Variants in SPATA18 observed in about 807,000 individuals in gnomAD.
The protein encoded by SPATA18 is spermatogenesis associated 18, also known as mitochondria-eating protein.
Under a neutral mutation model 68.1 loss-of-function variants are expected in SPATA18, and 54 were observed. That is an observed-to-expected ratio of 0.79 (90% CI 0.64 to 0.99). The LOEUF is 0.99. SPATA18 is among the 50% of genes least tolerant of loss of function. The pLI, the probability that SPATA18 is intolerant of heterozygous loss-of-function variation, is 0.00. For missense variants in SPATA18, 724 were observed against 681.1 expected (o/e 1.06, Z -0.70); for synonymous variants, 242 against 244.8 (o/e 0.99, Z 0.11).
chr4:52,080,064 T>G (rs1740789122), intron 9 of SPATA18, 145 bp downstream of exon 9: 18 of 834,438 alleles, frequency 2.2e-5, no homozygotes, highest in Non-Finnish European at 1.3e-5. Flanking sequence ...TATACTTCTC[T>G]GTACTCCAGG....
At chr4:52,086,460 CTG>C (rs1741444170) in intron 11 of SPATA18, among the ~76,000 whole-genome samples, 1 of 152,168 alleles carries the variant, frequency 6.6e-6, no homozygotes, top group Admixed American at 6.5e-5. Context: ...GTTCCCCTCC[CTG>C]TGTCCATGTG....
Position 52,095,041 on chromosome 4 carries a change from C to T in SPATA18, c.*154C>T. 1 of 854,106 alleles carries T rather than the reference C, an allele frequency of 1.2e-6. No homozygotes were observed. The allele number at this position is 854,106 out of a possible 1,614,324, so 52.9% of individuals were successfully genotyped here. ...CCACACAGAGAGTTAAATGTTTTGG[C>T]TTGGCGCATTTGTAACTTTAGATAT... On this transcript the variant is annotated 3_prime_UTR_variant, in exon 13 of 13. Transcript: ENST00000295213.
intron 11 of SPATA18, among the ~76,000 whole-genome samples, chr4:52,091,712 C>A (rs10028685): frequency 0.13 from 19,802 of 152,146 alleles, 1,496 homozygotes; most frequent in South Asian, 0.28. Flanking sequence ...TCTGTTGGCC[C>A]CAGTTGGGAG....
chr4:52,060,751 G>C (rs781306576), intron 2 of SPATA18, 31 bp from the exon 3 acceptor site: 18 of 1,573,462 alleles, frequency 1.1e-5, no homozygotes, highest in Admixed American at 1.7e-5. Context: ...TTGGTGTGCT[G>C]CACCCATTAA....
At chr4:52,064,474 AGCCTTTGC>A (rs1306388993) in intron 4 of SPATA18, among the ~76,000 whole-genome samples, 2 of 151,894 alleles carry the variant, frequency 1.3e-5, no homozygotes, top group Non-Finnish European at 2.9e-5. Context: ...ATCATTCTTA[AGCCTTTGC>A]ATCCTCATAG....
In SPATA18 at chr4:52,076,885, A is replaced by G; in HGVS notation, c.865A>G (p.Asn289Asp). The G allele has an allele frequency of 1.2e-6, 2 of 1,614,180 alleles. No individual in the cohort carries two copies. Among genetic ancestry groups the G allele is most frequent in the Non-Finnish European group, 1.7e-6 (2 of 1,180,028 alleles). The change falls in exon 7 of 13, where the codon AAC becomes GAC. Residue 289 changes from asparagine to aspartate, a missense_variant. Transcript: ENST00000295213. ...TGTCAAGGTCAGGAGACCGTCCCCA[A>G]ACCGCTCCAAGCTGTCCAATGTGGC... ...TAVKVRRPSP[N>D]RSKLSNVARK...
In SPATA18 at chr4:52,051,475, C is replaced by G; in HGVS notation, c.-230C>G. On this transcript the variant is annotated 5_prime_UTR_variant, in exon 1 of 13. Coordinates refer to ENST00000295213, the MANE Select transcript of SPATA18 (RefSeq NM_145263.4). ...CGGCTGCTGGGGAGCCAGGAGACCGCGCGGGACGGCGGATGAGGCGCGGCG... is the reference window on the plus strand; with the variant it reads ...CGGCTGCTGGGGAGCCAGGAGACCGGGCGGGACGGCGGATGAGGCGCGGCG... The G allele has an allele frequency of 1.8e-6, 1 of 542,628 alleles. No homozygotes were observed. The highest frequency in any genetic ancestry group is 2.9e-5 in the East Asian group (1 of 34,410). The allele number at this position is 542,628 out of a possible 1,614,324, so 33.6% of individuals were successfully genotyped here. A position where few individuals can be genotyped will look rare whatever the true frequency, so the allele number is the denominator to read the frequency against.
chr4:52,057,917 A>G (rs1283015957), intron 1 of SPATA18, among the ~76,000 whole-genome samples: 2 of 152,200 alleles, frequency 1.3e-5, no homozygotes, highest in African/African-American at 4.8e-5. Context: ...AAGTTAAGTA[A>G]CTTGTGCAGG....
chr4:52,065,749 T>C (rs904415213), intron 4 of SPATA18, among the ~76,000 whole-genome samples: 4 of 152,314 alleles, frequency 2.6e-5, no homozygotes, highest in African/African-American at 9.6e-5. Flanking sequence ...GTTCCCTATG[T>C]CTAACCTTGT....
chr4:52,089,843 A>G, intron 11 of SPATA18, among the ~76,000 whole-genome samples: 1 of 152,080 alleles, frequency 6.6e-6, no homozygotes, highest in Non-Finnish European at 1.5e-5. Context: ...ATCCTTGTTC[A>G]TTTTCTGTCT....
intron 10 of SPATA18, 70 bp from the exon 11 acceptor site, chr4:52,084,846 T>C (rs1001048520): frequency 1.4e-6 from 2 of 1,415,814 alleles, no homozygotes; most frequent in Non-Finnish European, 2.0e-6. Context: ...GGGATATGCA[T>C]GTTGTTTTGA....
At chr4:52,053,611 T>C (rs536798997) in intron 1 of SPATA18, among the ~76,000 whole-genome samples, 1 of 152,282 alleles carries the variant, frequency 6.6e-6, no homozygotes, top group East Asian at 1.9e-4. Flanking sequence ...ATGCTCAAAG[T>C]CAAATCTGTC....
chr4:52,076,927 T>C lies in SPATA18; in HGVS notation c.907T>C (p.Leu303=). Residue 303 remains leucine (L), a synonymous_variant, in exon 7 of 13, where the codon TTG becomes CTG. Transcript: ENST00000295213. ...LSNVARKAAL[L]SRFSDSYSQA... is the part of the protein sequence containing the mutation. Reference sequence around the variant, plus strand: ...CAATGTGGCGCGCAAGGCTGCCCTCTTGTCCCGGTTCAGCGATTCCTATTC... The same window carrying C: ...CAATGTGGCGCGCAAGGCTGCCCTCCTGTCCCGGTTCAGCGATTCCTATTC... 3 of 1,614,192 alleles carry C rather than the reference T, an allele frequency of 1.9e-6. No homozygotes were observed. Among genetic ancestry groups the C allele is most frequent in the Non-Finnish European group, 2.5e-6 (3 of 1,180,038 alleles).
At chr4:52,062,919 A>T (rs1473038782) in intron 4 of SPATA18, among the ~76,000 whole-genome samples, 1 of 152,214 alleles carries the variant, frequency 6.6e-6, no homozygotes, top group Non-Finnish European at 1.5e-5. Flanking sequence ...AAAGTTAAGC[A>T]ATTCCAGGCA....
At chr4:52,083,491 T>G (rs922791200) in intron 10 of SPATA18, 3 of 984,884 alleles carry the variant, frequency 3.0e-6, no homozygotes, top group Non-Finnish European at 3.6e-6. Flanking sequence ...GGCCCACACC[T>G]GTAATCCTAG....
At chr4:52,061,542 C>T (rs1738858339) in intron 3 of SPATA18, among the ~76,000 whole-genome samples, 1 of 145,480 alleles carries the variant, frequency 6.9e-6, no homozygotes, top group Admixed American at 6.9e-5. Context: ...AGCATTTAGT[C>T]TGTTCTGAGC....
At chr4:52,093,117 G>A (rs1372561761) in intron 11 of SPATA18, among the ~76,000 whole-genome samples, 1 of 152,136 alleles carries the variant, frequency 6.6e-6, no homozygotes, top group Non-Finnish European at 1.5e-5. Context: ...TAACAAACCT[G>A]CAGATGTACC....
chr4:52,088,786 G>A (rs765328509), intron 11 of SPATA18, among the ~76,000 whole-genome samples: 1 of 152,148 alleles, frequency 6.6e-6, no homozygotes, highest in African/African-American at 2.4e-5. Flanking sequence ...TCAGGATGAT[G>A]CTGGCCTCTT....
At chr4:52,070,188 T>C (rs1436121912) in intron 5 of SPATA18, among the ~76,000 whole-genome samples, 1 of 151,976 alleles carries the variant, frequency 6.6e-6, no homozygotes, top group African/African-American at 2.4e-5. Flanking sequence ...CCAATTAATA[T>C]ATTAAAAATA....
Sources: allele counts gnomAD v4.1 joint callset (sites outside exome capture counted in the v4.1 genomes callset), GRCh38; gene constraint gnomAD v4.1.1; transcripts MANE v1.5; gene names NCBI Gene and HGNC (gene_info 2026-07-23, HGNC 2026-07-21).